Variants in DOK7 observed in about 807,000 individuals in gnomAD.
DOK7 encodes the protein protein Dok-7.
In DOK7, 32 loss-of-function variants were observed where a neutral mutation model predicts 30.7. That is an observed-to-expected ratio of 1.04 (90% confidence interval 0.79 to 1.40). The LOEUF is 1.40. DOK7 is among the 40% of genes most tolerant of loss of function. The probability of loss-of-function intolerance (pLI) is 0.00; values close to 1 mark genes in which losing one functional copy is unlikely to be tolerated. For missense variants in DOK7, 1,007 were observed against 699.2 expected, an observed-to-expected ratio of 1.44 and a Z score of -4.97; for synonymous variants, 447 against 324.1, an observed-to-expected ratio of 1.38 and a Z score of -4.07.
At chr4:3,465,758 C>T (rs921678474) in intron 2 of DOK7, among the ~76,000 whole-genome samples, 17 of 152,358 alleles carry the variant, frequency 1.1e-4, no homozygotes, top group African/African-American at 3.1e-4. Context: ...AGTGGGACCA[C>T]GTTCCTCAAT....
rs606231132 is a variant in DOK7 at position 3,493,124 on chromosome 4, G to GC, written c.1143dup (p.Glu382ArgfsTer25). On this transcript the variant is annotated frameshift_variant, in exon 7 of 7. Transcript: ENST00000340083. LOFTEE classifies it low-confidence loss of function (END_TRUNC). ...ACTGCTCAGCCTGCCAGCAGCGGGG[G>GC]CCCCCGAGCCCAGCCTGTGCACCTG... 6.5e-5 allele frequency: 103 copies of GC among 1,591,984 alleles called. No homozygotes were observed. Among genetic ancestry groups the GC allele is most frequent in the Non-Finnish European group, 7.3e-5 (86 of 1,172,424 alleles).
chr4:3,463,907 C>A (rs1232818133), intron 2 of DOK7, among the ~76,000 whole-genome samples: 2 of 152,198 alleles, frequency 1.3e-5, no homozygotes, highest in African/African-American at 4.8e-5. Context: ...CAGAGCAGGG[C>A]CCCCGAACCC....
chr4:3,484,207 G>A (rs942807091), intron 4 of DOK7, among the ~76,000 whole-genome samples: 2 of 152,208 alleles, frequency 1.3e-5, no homozygotes, highest in African/African-American at 4.8e-5. Context: ...GGGACACTAC[G>A]TGGAAGGAAG....
chr4:3,500,991 GGGCCCACGGCCA>G (rs1729159613), exon 8 of DOK7: 4 of 1,140,180 alleles, frequency 3.5e-6, no homozygotes. Flanking sequence ...GAAGTTTTCA[GGGCCCACGGCCA>G]GGCCTCCTGC....
At chr4:3,494,567 CG>C, downstream of DOK7, 1 of 969,612 alleles carries the variant, frequency 1.0e-6, no homozygotes, top group Non-Finnish European at 1.2e-6. Context: ...GCGAAGTCCC[CG>C]GGCCCGGCTT....
chr4:3,482,674 C>T (rs938960307), intron 4 of DOK7, among the ~76,000 whole-genome samples: 1 of 152,266 alleles, frequency 6.6e-6, no homozygotes, highest in Non-Finnish European at 1.5e-5. Context: ...CAAAATGGGG[C>T]AGGCCCTGTT....
intron 4 of DOK7, among the ~76,000 whole-genome samples, chr4:3,479,597 T>C (rs1438882168): frequency 1.3e-5 from 2 of 152,202 alleles, no homozygotes; most frequent in East Asian, 3.9e-4. Flanking sequence ...CCGCCTCACT[T>C]GGCCCCGCCA....
chr4:3,467,088 C>T lies in DOK7; in HGVS notation c.100+3537C>T, dbSNP rs537522386. 1.4e-4 allele frequency among the ~76,000 whole-genome samples: 22 copies of T among 152,220 alleles called. No individual in the cohort carries two copies. In the South Asian group the frequency reaches 2.9e-3, roughly 20 times the overall value. On this transcript the variant is annotated intron_variant, in intron 2 of 6. Transcript: ENST00000340083. ...GCAGGGTCCCCTCAGGCGGCTACCA[C>T]CTGCGTTGCTAAGGGCACAGCCTCA...
exon 8 of DOK7, chr4:3,500,741 G>A (rs546206365): frequency 2.2e-5 from 34 of 1,535,512 alleles, no homozygotes; most frequent in South Asian, 1.9e-4. Flanking sequence ...CCACCGAGAC[G>A]GCGCACAGAG....
rs1449410980 is a variant in DOK7, at chr4:3,493,657, C to A, written c.*156C>A. On this transcript the variant is annotated 3_prime_UTR_variant, in exon 7 of 7. Coordinates refer to ENST00000340083, the MANE Select transcript of DOK7 (RefSeq NM_173660.5). The stretch of plus-strand genomic sequence containing the variant: ...GGGAGCTGGAGGGCGCGCCCTGTGG[C>A]TGCCACCGGAGGAAGGGGCTGACTT... 2.1e-6 allele frequency: 3 copies of A among 1,456,692 alleles called. No individual in the cohort carries two copies. The African/African-American group carries it at 4.3e-5, about 21-fold the overall frequency. 90.2% of individuals were successfully genotyped at this position (1,456,692 alleles called of 1,614,324 possible).
intron 4 of DOK7, chr4:3,484,728 A>G: frequency 1.0e-6 from 1 of 985,488 alleles, no homozygotes; most frequent in Non-Finnish European, 1.2e-6. Flanking sequence ...GATGCTGCAC[A>G]CGGCCTCAGG....
downstream of DOK7, chr4:3,496,849 G>A (rs574304942): frequency 7.9e-4 from 1,217 of 1,535,264 alleles, 13 homozygotes; most frequent in Non-Finnish European, 1.5e-4. Context: ...CAGGACCTGC[G>A]ACAGCACATT....
chr4:3,493,881 GCCC>G lies in DOK7; in HGVS notation c.*383_*385del. 1.8e-6 allele frequency: 2 copies of G among 1,101,820 alleles called. No individual in the cohort carries two copies. The highest frequency in any genetic ancestry group is 1.3e-4 in the East Asian group (2 of 15,486). 68.3% of individuals were successfully genotyped at this position (1,101,820 alleles called of 1,614,324 possible). On this transcript the variant is annotated 3_prime_UTR_variant, in exon 7 of 7. Coordinates refer to ENST00000340083, the MANE Select transcript of DOK7 (RefSeq NM_173660.5). ...TGGCCTTGTCCTCCTTGGGCCTCAC[GCCC>G]CCTTCGGGGGTGGCCGGTTCTCCCC...
rs369338469 is a variant in DOK7 at position 3,468,748 on chromosome 4, GTC to G, written c.101-4656_101-4655del. On this transcript the variant is annotated intron_variant, in intron 2 of 6. Coordinates refer to ENST00000340083, the MANE Select transcript of DOK7 (RefSeq NM_173660.5). The stretch of plus-strand genomic sequence containing the variant: ...TGCCTGTATGTCTGCCTGTGTATGT[GTC>G]TGTGTGCGTGTGTGTGTGCATGTAT... 6.6e-3 allele frequency among the ~76,000 whole-genome samples: 774 copies of G among 116,598 alleles called. 2 individuals are homozygous for G. Among genetic ancestry groups the G allele is most frequent in the African/African-American group, 0.027 (717 of 26,370 alleles). The allele number at this position is 116,598 out of a possible 152,430, so 76.5% of individuals were successfully genotyped here. A position where few individuals can be genotyped will look rare whatever the true frequency, so the allele number is the denominator to read the frequency against.
chr4:3,472,725 G>A (rs150277504), intron 2 of DOK7, among the ~76,000 whole-genome samples: 730 of 152,232 alleles, frequency 4.8e-3, no homozygotes, highest in African/African-American at 0.017. Context: ...GAAGGTGGGG[G>A]TGGAGACGGG....
chr4:3,468,616 TTG>T (rs566411256), intron 2 of DOK7, among the ~76,000 whole-genome samples: 9 of 131,374 alleles, frequency 6.9e-5, no homozygotes, highest in Admixed American at 3.7e-4. Flanking sequence ...GTGCGTGCCT[TTG>T]TGTGTGCGTG....
At chr4:3,499,311 G>A (rs1246349311), downstream of DOK7, among the ~76,000 whole-genome samples, 1 of 152,168 alleles carries the variant, frequency 6.6e-6, no homozygotes, top group African/African-American at 2.4e-5. Context: ...GTGGGGCTTG[G>A]CTGTGTCTCC....
chr4:3,489,397 A>T (rs1392201380), intron 5 of DOK7, among the ~76,000 whole-genome samples: 2 of 152,032 alleles, frequency 1.3e-5, no homozygotes, highest in Non-Finnish European at 1.5e-5. Context: ...ATGAGGAAGG[A>T]GGGGTCTGGC....
chr4:3,469,914 C>T lies in DOK7; in HGVS notation c.101-3492C>T, dbSNP rs113265600. 7.7e-4 allele frequency among the ~76,000 whole-genome samples: 117 copies of T among 152,318 alleles called. 2 individuals carry two copies. Among genetic ancestry groups the T allele is most frequent in the African/African-American group, 2.7e-3 (114 of 41,574 alleles). Reference sequence around the variant, plus strand: ...CAGGCAGGAGGGACGAGCGGGCCCCCAGCTCTGACCTCTCGGCTTCTGTTC... The same window carrying T: ...CAGGCAGGAGGGACGAGCGGGCCCCTAGCTCTGACCTCTCGGCTTCTGTTC... On this transcript the variant is annotated intron_variant, in intron 2 of 6. Coordinates refer to ENST00000340083, the MANE Select transcript of DOK7 (RefSeq NM_173660.5).
Sources: gnomAD v4.1 joint callset for allele counts (sites outside exome capture counted in the v4.1 genomes callset) on GRCh38, gnomAD v4.1.1 for gene constraint, MANE v1.5 for transcripts, NCBI Gene and HGNC (gene_info 2026-07-23, HGNC 2026-07-21) for gene names.